TMEM120B: variants seen among roughly 807,000 people sequenced by gnomAD.
TMEM120B encodes transmembrane protein 120B.
Under a neutral mutation model 55.5 loss-of-function variants are expected in TMEM120B, and 31 were observed. The ratio of observed to expected loss-of-function variants is 0.56; its 90% CI spans 0.42 to 0.75. TMEM120B has a LOEUF of 0.75. Ranked by LOEUF, TMEM120B falls within the 30% of genes least tolerant of loss-of-function variation. The pLI is 0.00. For synonymous variants in TMEM120B, 203 were observed against 176.3 expected (o/e 1.15, Z -1.20); for missense variants, 399 against 425.5 (o/e 0.94, Z 0.55).
At position 121,748,348 on chromosome 12, in the gene TMEM120B, G is replaced by A. The variant is rs1337699679; in HGVS notation, c.211G>A (p.Glu71Lys). Residue 71 changes from glutamate (E) to lysine (K), a missense_variant, in exon 3 of 12, where the codon GAG becomes AAG. Glu to Lys is a moderately conservative substitution (Grantham distance 56, BLOSUM62 1). Transcript: ENST00000449592. Reference protein sequence around the residue: ...LQRCKRHASREEAELVQQMAA... With the variant: ...LQRCKRHASRKEAELVQQMAA... ...CAGGTGCAAACGCCATGCCAGTCGGGAGGAGGCGGAGCTCGTTCAGCAGAT... is the reference window on the plus strand; with the variant it reads ...CAGGTGCAAACGCCATGCCAGTCGGAAGGAGGCGGAGCTCGTTCAGCAGAT... 16 of 1,611,002 alleles carry A rather than the reference G, an allele frequency of 9.9e-6. No individual in the cohort carries two copies. In the South Asian group the frequency reaches 1.6e-4, roughly 17 times the overall value.
At position 121,720,264 on chromosome 12, in the gene TMEM120B, G is replaced by T. The variant is rs185423720; in HGVS notation, c.69+7300G>T. ...CCGCTCCCGTAACATACCGTTCATG[G>T]ATTCTGACACATGACTCAGAATCTG... On this transcript the variant is annotated intron_variant, in intron 1 of 11. Transcript: ENST00000449592. 3.3e-5 allele frequency among the ~76,000 whole-genome samples: 5 copies of T among 152,276 alleles called. No individual in the cohort carries two copies. In the East Asian group the frequency reaches 9.6e-4, roughly 29 times the overall value.
At chr12:121,736,433 G>GC (rs1400229450) in intron 1 of TMEM120B, among the ~76,000 whole-genome samples, 1 of 151,488 alleles carries the variant, frequency 6.6e-6, no homozygotes, top group South Asian at 2.1e-4. Flanking sequence ...CTCCCAAAGT[G>GC]CTGGGATTAC....
At chr12:121,728,616 G>A (rs967121847) in intron 1 of TMEM120B, among the ~76,000 whole-genome samples, 44 of 152,136 alleles carry the variant, frequency 2.9e-4, no homozygotes, top group African/African-American at 1.0e-3. Context: ...CACCGCGCCC[G>A]GCCGACACTC....
intron 1 of TMEM120B, among the ~76,000 whole-genome samples, chr12:121,733,928 A>C (rs1895052843): frequency 6.6e-6 from 1 of 152,176 alleles, no homozygotes; most frequent in South Asian, 2.1e-4. Flanking sequence ...GATACTGTTA[A>C]TATACTTTTA....
chr12:121,770,534 C>T (rs1006839959), intron 6 of TMEM120B, among the ~76,000 whole-genome samples: 9 of 151,870 alleles, frequency 5.9e-5, no homozygotes, highest in East Asian at 1.9e-4. Flanking sequence ...GGAGGGCCTG[C>T]GTGCTGGGGA....
At chr12:121,742,864 C>T (rs1049403017) in intron 1 of TMEM120B, among the ~76,000 whole-genome samples, 4 of 152,198 alleles carry the variant, frequency 2.6e-5, no homozygotes, top group Middle Eastern at 3.2e-3. Flanking sequence ...CGTGAGCCAG[C>T]GCGTCCGGCC....
intron 5 of TMEM120B, among the ~76,000 whole-genome samples, chr12:121,761,216 T>C (rs1277776941): frequency 1.3e-5 from 2 of 152,188 alleles, no homozygotes; most frequent in Non-Finnish European, 2.9e-5. Flanking sequence ...TGGCCTCAAG[T>C]GATCCATCTG....
Position 121,757,901 on chromosome 12 carries a change from C to T in TMEM120B, c.462-3748C>T, listed in dbSNP as rs142541665. On this transcript the variant is annotated intron_variant, in intron 5 of 11. Coordinates refer to ENST00000449592, the MANE Select transcript of TMEM120B (RefSeq NM_001080825.2). ...CTCCTGACCTCAAGTGATCCACCCACGTTAGCCTCCCAGAGTGCTGGAATT... is the reference window on the plus strand; with the variant it reads ...CTCCTGACCTCAAGTGATCCACCCATGTTAGCCTCCCAGAGTGCTGGAATT... 2.4e-3 allele frequency among the ~76,000 whole-genome samples: 368 copies of T among 152,322 alleles called. 4 individuals carry two copies. The highest frequency in any genetic ancestry group is 8.4e-3 in the African/African-American group (351 of 41,570).
In TMEM120B at chr12:121,780,737, T is replaced by C. The variant is rs1488843668; in HGVS notation, c.*5015T>C. On this transcript the variant is annotated 3_prime_UTR_variant, in exon 12 of 12. Coordinates refer to ENST00000449592, the MANE Select transcript of TMEM120B (RefSeq NM_001080825.2). Reference sequence around the variant, plus strand: ...CAGGTCCACAGGCCATCAATACTAATAGTTAAAAATTATTCTTAGAATCTT... The same window carrying C: ...CAGGTCCACAGGCCATCAATACTAACAGTTAAAAATTATTCTTAGAATCTT... 1.3e-5 allele frequency: 13 copies of C among 1,006,816 alleles called. No individual in the cohort carries two copies. The South Asian group carries it at 1.8e-4, about 14-fold the overall frequency. The allele number at this position is 1,006,816 out of a possible 1,614,324, so 62.4% of individuals were successfully genotyped here. A position where few individuals can be genotyped will look rare whatever the true frequency, so the allele number is the denominator to read the frequency against.
chr12:121,774,973 T>G, intron 10 of TMEM120B, 89 bp from the exon 11 acceptor site: 2 of 1,426,730 alleles, frequency 1.4e-6, no homozygotes, highest in Middle Eastern at 3.8e-4. Context: ...ATACCCAAAG[T>G]TGGGTGAGGG....
At position 121,771,546 on chromosome 12, in the gene TMEM120B, C is replaced by A. The variant is rs1423070135; in HGVS notation, c.676C>A (p.Gln226Lys). 6.2e-7 allele frequency: 1 copy of A among 1,613,894 alleles called. No homozygotes were observed. Among genetic ancestry groups the A allele is most frequent in the Admixed American group, 1.7e-5 (1 of 60,010 alleles). The change falls in exon 8 of 12, where the codon CAG becomes AAG. Residue 226 changes from glutamine (Q) to lysine (K), a missense_variant. Transcript: ENST00000449592. Reference protein sequence around the residue: ...RNQFLAFSIFQSCVQFLQYYY... With the variant: ...RNQFLAFSIFKSCVQFLQYYY... ...CCAGTTCTTAGCATTTTCCATTTTTCAGAGTGAGTGACTGTTGCCTGGATT... is the reference window on the plus strand; with the variant it reads ...CCAGTTCTTAGCATTTTCCATTTTTAAGAGTGAGTGACTGTTGCCTGGATT...
At position 121,712,930 on chromosome 12, in the gene TMEM120B, G is replaced by A; in HGVS notation, c.35G>A (p.Trp12Ter). 1 of 1,536,274 alleles carries A rather than the reference G, an allele frequency of 6.5e-7. No homozygotes were observed. The highest frequency in any genetic ancestry group is 8.7e-7 in the Non-Finnish European group (1 of 1,148,858). The change falls in exon 1 of 12, where the codon TGG (tryptophan) becomes TAG (stop). Residue 12 changes from tryptophan (W) to a stop codon, truncating the protein, a stop_gained. Transcript: ENST00000449592. LOFTEE classifies it high-confidence loss of function. ...SGQLERCERE[W>*]HELEGEFQEL... ...CAGCTGGAGCGTTGCGAGCGCGAAT[G>A]GCACGAGCTGGAGGGAGAATTTCAA... is the stretch of plus-strand genomic sequence containing the variant.
At chr12:121,760,480 G>A (rs1179578197) in intron 5 of TMEM120B, among the ~76,000 whole-genome samples, 1 of 152,218 alleles carries the variant, frequency 6.6e-6, no homozygotes, top group African/African-American at 2.4e-5. Flanking sequence ...TGCGAGCTGG[G>A]AGGGGCGCGT....
intron 1 of TMEM120B, among the ~76,000 whole-genome samples, chr12:121,741,364 T>C (rs1021274646): frequency 2.6e-5 from 4 of 152,186 alleles, no homozygotes; most frequent in African/African-American, 9.7e-5. Flanking sequence ...AGTTTCACTC[T>C]TGTTGCCCAA....
chr12:121,759,854 C>T (rs965108444), intron 5 of TMEM120B, among the ~76,000 whole-genome samples: 15 of 151,760 alleles, frequency 9.9e-5, no homozygotes, highest in African/African-American at 3.4e-4. Flanking sequence ...AAAATCAGGC[C>T]GGGTGCGATA....
In TMEM120B at chr12:121,770,949, CCTGT is replaced by C. The variant is rs1874024823; in HGVS notation, c.596_599del (p.Leu199ProfsTer3). 6.2e-7 allele frequency: 1 copy of C among 1,614,120 alleles called. No homozygotes were observed. The highest frequency in any genetic ancestry group is 1.7e-5 in the Admixed American group (1 of 60,034). ...TGTCTCACCACTACGTCTCCACATT[CCTGT>C]CCGGAGTGATGCTGACCTGGTGAGT... On this transcript the variant is annotated frameshift_variant, in exon 7 of 12. Transcript: ENST00000449592. LOFTEE classifies it high-confidence loss of function.
chr12:121,764,259 T>C (rs1325504074), intron 6 of TMEM120B, among the ~76,000 whole-genome samples: 1 of 150,994 alleles, frequency 6.6e-6, no homozygotes, highest in African/African-American at 2.4e-5. Flanking sequence ...CGGTGGCTCA[T>C]GCCTGTAATC....
At chr12:121,722,080 C>T (rs943179611) in intron 1 of TMEM120B, among the ~76,000 whole-genome samples, 48 of 146,980 alleles carry the variant, frequency 3.3e-4, no homozygotes, top group African/African-American at 1.2e-3. Flanking sequence ...GGATTATAGG[C>T]GTGAGCCACC....
intron 1 of TMEM120B, among the ~76,000 whole-genome samples, chr12:121,741,504 T>G (rs1014674717): frequency 6.6e-6 from 1 of 152,064 alleles, no homozygotes; most frequent in Non-Finnish European, 1.5e-5. Flanking sequence ...TAATTTTGTG[T>G]TGTTAGTAGA....
Sources: gnomAD v4.1 joint callset for allele counts (sites outside exome capture counted in the v4.1 genomes callset) on GRCh38, gnomAD v4.1.1 for gene constraint, MANE v1.5 for transcripts, NCBI Gene and HGNC (gene_info 2026-07-23, HGNC 2026-07-21) for gene names.